Variants in SP140L observed in about 807,000 individuals in gnomAD.
SP140L encodes the protein SP140 like nuclear body protein, also known as nuclear body protein SP140-like protein.
A neutral mutation model predicts 84.3 loss-of-function variants in SP140L; 64 were observed. The ratio of observed to expected loss-of-function variants is 0.76; its 90% CI spans 0.62 to 0.94. The LOEUF is 0.94. SP140L is among the 40% of genes least tolerant of loss of function. The pLI, the probability that SP140L is intolerant of heterozygous loss-of-function variation, is 0.00. For synonymous variants in SP140L, 242 were observed against 236.9 expected (o/e 1.02, Z -0.20); for missense variants, 628 against 692.5 (o/e 0.91, Z 1.05).
intron 2 of SP140L, among the ~76,000 whole-genome samples, chr2:230,351,001 T>C (rs1341112708): frequency 1.3e-5 from 2 of 152,128 alleles, no homozygotes; most frequent in Non-Finnish European, 2.9e-5. Flanking sequence ...GAAGGTTGGA[T>C]CATTACATTA....
At chr2:230,375,589 AATAGGTGTGAGGTG>A (rs1369033895) in intron 7 of SP140L, among the ~76,000 whole-genome samples, 1 of 152,072 alleles carries the variant, frequency 6.6e-6, no homozygotes, top group African/African-American at 2.4e-5. Flanking sequence ...TAGCTATCCT[AATAGGTGTGAGGTG>A]ATATTTCATT....
At chr2:230,400,779 G>T in intron 15 of SP140L, 176 bp from the exon 16 acceptor site, 1 of 1,447,418 alleles carries the variant, frequency 6.9e-7, no homozygotes, top group Non-Finnish European at 9.4e-7. Context: ...ACTGATGCGA[G>T]GGAAAGGCCA....
chr2:230,362,471 A>G (rs1299567715), intron 5 of SP140L, among the ~76,000 whole-genome samples: 2 of 152,172 alleles, frequency 1.3e-5, no homozygotes, highest in African/African-American at 4.8e-5. Context: ...GCACTCATGT[A>G]GAGAGACTCA....
At chr2:230,394,096 G>A (rs1582831) in intron 13 of SP140L, among the ~76,000 whole-genome samples, 2,158 of 152,278 alleles carry the variant, frequency 0.014, 19 homozygotes, top group Middle Eastern at 0.027. Context: ...GATCTCCAGA[G>A]GCAAACGTAT....
chr2:230,366,723 T>A (rs1334321790), intron 5 of SP140L, among the ~76,000 whole-genome samples: 1 of 123,256 alleles, frequency 8.1e-6, no homozygotes, highest in Non-Finnish European at 2.0e-5. Context: ...TTATTATTAT[T>A]ATTATTATTA....
rs564164744 is a variant in SP140L, at chr2:230,353,386, T to C, written c.108-4419T>C. Among the ~76,000 whole-genome samples the C allele has an allele frequency of 3.9e-5, 6 of 152,148 alleles. No individual in the cohort carries two copies. In the South Asian group the frequency reaches 1.2e-3, roughly 31 times the overall value. On this transcript the variant is annotated intron_variant, in intron 2 of 18. Coordinates refer to ENST00000415673, the MANE Select transcript of SP140L (RefSeq NM_138402.6). ...TCTGTTTTTAAGTCACAAGATTAAA[T>C]AATAAATCATTCTTATTAATTTATC...
In SP140L at chr2:230,385,235, G is replaced by A; in HGVS notation, c.715G>A (p.Ala239Thr). Reference protein sequence around the residue: ...KNNQQNDNSKADGQLVSSEKK... With the variant: ...KNNQQNDNSKTDGQLVSSEKK... Reference sequence around the variant, plus strand: ...TTGCCTATCCCCAGATAACAGCAAAGCCGATGGCCAGCTGGTCTCGAGTGA... The same window carrying A: ...TTGCCTATCCCCAGATAACAGCAAAACCGATGGCCAGCTGGTCTCGAGTGA... Residue 239 changes from alanine to threonine, a missense_variant, in exon 9 of 19, where the codon GCC becomes ACC. Ala to Thr is a moderately conservative substitution (Grantham distance 58). This residue lies in a region of SP140L where 525 missense variants were observed against 518.4 expected (regional missense o/e 1.01). Coordinates refer to ENST00000415673, the MANE Select transcript of SP140L (RefSeq NM_138402.6). The A allele has an allele frequency of 6.2e-7, 1 of 1,613,724 alleles. No homozygotes were observed. Among genetic ancestry groups the A allele is most frequent in the South Asian group, 1.1e-5 (1 of 91,068 alleles).
intron 2 of SP140L, among the ~76,000 whole-genome samples, chr2:230,357,497 A>G (rs532294459): frequency 6.6e-6 from 1 of 152,262 alleles, no homozygotes; most frequent in South Asian, 2.1e-4. Flanking sequence ...ATTCTGTAGG[A>G]ATTCAATATT....
chr2:230,400,840 C>G (rs1410761278), intron 15 of SP140L, 115 bp from the exon 16 acceptor site: 2 of 1,573,532 alleles, frequency 1.3e-6, no homozygotes, highest in Admixed American at 1.8e-5. Flanking sequence ...AGGTGTTCCC[C>G]TCCCTCCCAT....
Position 230,403,103 on chromosome 2 carries a change from A to G in SP140L, c.*207A>G. On this transcript the variant is annotated 3_prime_UTR_variant, in exon 19 of 19. Coordinates refer to ENST00000415673, the MANE Select transcript of SP140L (RefSeq NM_138402.6). Reference sequence around the variant, plus strand: ...CATCAACCAGGGAAGAGGAACTGAGATCACAGGGAAGGAGATTGGAGGTGA... The same window carrying G: ...CATCAACCAGGGAAGAGGAACTGAGGTCACAGGGAAGGAGATTGGAGGTGA... 1 of 515,706 alleles carries G rather than the reference A, an allele frequency of 1.9e-6. No individual in the cohort carries two copies. The highest frequency in any genetic ancestry group is 2.5e-5 in the South Asian group (1 of 39,578). 31.9% of individuals were successfully genotyped at this position (515,706 alleles called of 1,614,324 possible).
At chr2:230,347,952 C>A (rs1053618790) in intron 2 of SP140L, among the ~76,000 whole-genome samples, 6 of 152,190 alleles carry the variant, frequency 3.9e-5, no homozygotes, top group African/African-American at 1.4e-4. Context: ...GTGAACCCTG[C>A]CCTCACTTCT....
At chr2:230,362,606 C>CAGCT (rs10672476) in intron 5 of SP140L, among the ~76,000 whole-genome samples, 40,394 of 151,738 alleles carry the variant, frequency 0.27, 7,548 homozygotes, top group East Asian at 0.56. Flanking sequence ...ATGTTATTAA[C>CAGCT]AGCTCACTTT....
At chr2:230,354,886 AAAGAAAG>A (rs1256219790) in intron 2 of SP140L, among the ~76,000 whole-genome samples, 1 of 146,026 alleles carries the variant, frequency 6.8e-6, no homozygotes, top group East Asian at 2.2e-4. Context: ...AGAAAGAAAG[AAAGAAAG>A]AAAGGAAAGA....
intron 7 of SP140L, among the ~76,000 whole-genome samples, chr2:230,375,457 G>T (rs56401027): frequency 0.25 from 37,865 of 151,888 alleles, 5,217 homozygotes; most frequent in Non-Finnish European, 0.3. Context: ...TTTAATTTTT[G>T]GAGAAACCTC....
intron 2 of SP140L, among the ~76,000 whole-genome samples, chr2:230,343,996 T>G (rs1179865126): frequency 6.6e-6 from 1 of 152,238 alleles, no homozygotes; most frequent in Non-Finnish European, 1.5e-5. Context: ...ATGTGTATTC[T>G]GTTGTTTTTG....
At chr2:230,396,998 A>G (rs1173888362) in intron 14 of SP140L, among the ~76,000 whole-genome samples, 200 bp downstream of exon 14, 1 of 152,200 alleles carries the variant, frequency 6.6e-6, no homozygotes, top group Non-Finnish European at 1.5e-5. Flanking sequence ...CACTCTTTCC[A>G]TCTGTTTCAG....
At chr2:230,333,447 C>A (rs1339421447) in intron 2 of SP140L, among the ~76,000 whole-genome samples, 1 of 152,100 alleles carries the variant, frequency 6.6e-6, no homozygotes, top group African/African-American at 2.4e-5. Flanking sequence ...CATAAGCCAC[C>A]GCGCCCGACC....
chr2:230,378,225 TC>T (rs1171618884), intron 7 of SP140L, among the ~76,000 whole-genome samples: 1 of 145,814 alleles, frequency 6.9e-6, no homozygotes, highest in East Asian at 2.0e-4. Flanking sequence ...GTTTTACAAA[TC>T]CTGAAATCAG....
At chr2:230,344,720 C>T (rs2060159972) in intron 2 of SP140L, among the ~76,000 whole-genome samples, 1 of 151,926 alleles carries the variant, frequency 6.6e-6, no homozygotes, top group East Asian at 1.9e-4. Flanking sequence ...TTTTGTTTGC[C>T]TCATAATATT....
Sources: allele counts gnomAD v4.1 joint callset (sites outside exome capture counted in the v4.1 genomes callset), GRCh38; gene constraint gnomAD v4.1.1; regional missense constraint gnomAD v4.1.1; transcripts MANE v1.5; gene names NCBI Gene and HGNC (gene_info 2026-07-23, HGNC 2026-07-21).